The following BICC1 variants were observed in gnomAD, a reference collection of about 807,000 sequenced individuals.
The protein encoded by BICC1 is protein bicaudal C homolog 1.
BICC1 carries 43 observed loss-of-function variants against 111.0 expected under a neutral mutation model. That is an observed-to-expected ratio of 0.39 (90% CI 0.30 to 0.50). The LOEUF (loss-of-function observed/expected upper bound fraction) is 0.50. BICC1 is among the 20% of genes least tolerant of loss of function. The probability of loss-of-function intolerance (pLI) is 0.88; values close to 1 mark genes in which losing one functional copy is unlikely to be tolerated. For missense variants in BICC1, 1,091 were observed against 1,203.2 expected (o/e 0.91, Z 1.38); for synonymous variants, 467 against 434.4 (o/e 1.07, Z -0.93).
At chr10:58,628,549 T>G (rs749390763) in intron 2 of BICC1, among the ~76,000 whole-genome samples, 4 of 152,196 alleles carry the variant, frequency 2.6e-5, no homozygotes, top group Non-Finnish European at 5.9e-5. Flanking sequence ...AGATACTTAG[T>G]TTCTTATTTA....
chr10:58,616,669 A>G (rs1159449990), intron 1 of BICC1, among the ~76,000 whole-genome samples: 2 of 152,200 alleles, frequency 1.3e-5, no homozygotes, highest in African/African-American at 2.4e-5. Flanking sequence ...GATATTTCAC[A>G]TGGCTTGGCA....
intron 1 of BICC1, among the ~76,000 whole-genome samples, chr10:58,596,287 C>T (rs1844811060): frequency 6.6e-6 from 1 of 152,186 alleles, no homozygotes; most frequent in Non-Finnish European, 1.5e-5. Context: ...TAATCCATCA[C>T]ATAAGCAAAA....
intron 1 of BICC1, among the ~76,000 whole-genome samples, chr10:58,514,547 G>A (rs1842189349): frequency 6.6e-6 from 1 of 152,164 alleles, no homozygotes; most frequent in Non-Finnish European, 1.5e-5. Flanking sequence ...CAATAACTTG[G>A]TGGAAACAAA....
chr10:58,762,365 A>G (rs1239383313), intron 3 of BICC1, among the ~76,000 whole-genome samples: 1 of 152,192 alleles, frequency 6.6e-6, no homozygotes, highest in Non-Finnish European at 1.5e-5. Context: ...GAAATATTGG[A>G]GAGTGTAGGT....
At chr10:58,750,407 A>G (rs1015921189) in intron 3 of BICC1, among the ~76,000 whole-genome samples, 5 of 152,086 alleles carry the variant, frequency 3.3e-5, no homozygotes, top group Non-Finnish European at 7.4e-5. Context: ...ACTAAGGAAG[A>G]AAAAAAATGC....
chr10:58,565,637 T>A (rs1490346581), intron 1 of BICC1, among the ~76,000 whole-genome samples: 1 of 152,168 alleles, frequency 6.6e-6, no homozygotes, highest in Non-Finnish European at 1.5e-5. Flanking sequence ...TCATATTAAT[T>A]AGATCTCTCT....
intron 1 of BICC1, among the ~76,000 whole-genome samples, chr10:58,541,317 C>T (rs1237730950): frequency 6.6e-6 from 1 of 152,060 alleles, no homozygotes; most frequent in Non-Finnish European, 1.5e-5. Flanking sequence ...TCCACACACA[C>T]ACATAAAACT....
intron 10 of BICC1, among the ~76,000 whole-genome samples, chr10:58,797,639 C>T (rs137907555): frequency 1.3e-5 from 2 of 152,258 alleles, no homozygotes; most frequent in East Asian, 3.9e-4. Context: ...CAAAGATTCA[C>T]TAACTGAATT....
At chr10:58,757,792 T>C (rs942156461) in intron 3 of BICC1, among the ~76,000 whole-genome samples, 25 of 152,352 alleles carry the variant, frequency 1.6e-4, no homozygotes, top group African/African-American at 5.8e-4. Context: ...TAAATATCAA[T>C]GCAGTCTGTC....
chr10:58,660,933 A>T (rs1191663890), intron 2 of BICC1, among the ~76,000 whole-genome samples: 5 of 152,240 alleles, frequency 3.3e-5, no homozygotes, highest in African/African-American at 1.2e-4. Context: ...AGATTTAAGA[A>T]AAGTATATTT....
chr10:58,798,464 C>T lies in BICC1; in HGVS notation c.1432C>T (p.Leu478Phe), dbSNP rs759673436. The T allele has an allele frequency of 6.2e-7, 1 of 1,613,438 alleles. No homozygotes were observed. Among genetic ancestry groups the T allele is most frequent in the Non-Finnish European group, 8.5e-7 (1 of 1,179,660 alleles). ...STTPNSLLNA[L>F]NSSVSPLQSP... The stretch of plus-strand genomic sequence containing the variant: ...AACCCCAAACTCACTCTTGAATGCT[C>T]TTAATAGCTCAGTCAGTCCTTTGCA... Residue 478 changes from leucine to phenylalanine, a missense_variant, in exon 11 of 21, where the codon CTT becomes TTT. Coordinates refer to ENST00000373886, the MANE Select transcript of BICC1 (RefSeq NM_001080512.3).
At chr10:58,721,578 C>T (rs1840941700) in intron 3 of BICC1, among the ~76,000 whole-genome samples, 1 of 152,152 alleles carries the variant, frequency 6.6e-6, no homozygotes, top group Non-Finnish European at 1.5e-5. Flanking sequence ...TCCAAACCAT[C>T]TGCAAAAGTA....
At chr10:58,796,171 A>G (rs1051468543) in intron 9 of BICC1, among the ~76,000 whole-genome samples, 169 bp from the exon 10 acceptor site, 8 of 152,208 alleles carry the variant, frequency 5.3e-5, no homozygotes, top group African/African-American at 1.4e-4. Flanking sequence ...CAGAAGGAGT[A>G]ATCTTAAGCA....
At position 58,823,829 on chromosome 10, in the gene BICC1, C is replaced by T. The variant is rs1844319922; in HGVS notation, c.2794+3361C>T. 4 of 985,252 alleles carry T rather than the reference C, an allele frequency of 4.1e-6. No individual in the cohort carries two copies. The African/African-American group carries it at 5.2e-5, about 13-fold the overall frequency. The allele number at this position is 985,252 out of a possible 1,614,324, so 61.0% of individuals were successfully genotyped here. ...GGGGATTCATTTATTCTTAACGCTTCTATAAGTTTGCCTTTAAATATATTC... is the reference window on the plus strand; with the variant it reads ...GGGGATTCATTTATTCTTAACGCTTTTATAAGTTTGCCTTTAAATATATTC... On this transcript the variant is annotated intron_variant, in intron 20 of 20. Transcript: ENST00000373886.
intron 3 of BICC1, among the ~76,000 whole-genome samples, chr10:58,707,200 G>A (rs1221329007): frequency 1.3e-5 from 2 of 152,184 alleles, no homozygotes; most frequent in East Asian, 3.9e-4. Context: ...AGAACAAGTA[G>A]GTATCTAATA....
chr10:58,658,197 CT>C (rs1021449616), intron 2 of BICC1, among the ~76,000 whole-genome samples: 4 of 151,892 alleles, frequency 2.6e-5, no homozygotes, highest in Admixed American at 6.6e-5. Flanking sequence ...CAGCTCTCTG[CT>C]TTTTTTTGAG....
intron 1 of BICC1, among the ~76,000 whole-genome samples, chr10:58,548,923 G>A (rs1429893016): frequency 6.6e-6 from 1 of 152,024 alleles, no homozygotes; most frequent in Non-Finnish European, 1.5e-5. Flanking sequence ...GCAGTGGTGC[G>A]ATCATGGCTC....
At chr10:58,520,502 T>C (rs922378732) in intron 1 of BICC1, among the ~76,000 whole-genome samples, 2 of 152,166 alleles carry the variant, frequency 1.3e-5, no homozygotes, top group African/African-American at 4.8e-5. Context: ...TGAAAATGTT[T>C]GTATTTGTAA....
chr10:58,745,654 T>A (rs1050805024), intron 3 of BICC1, among the ~76,000 whole-genome samples: 2 of 124,592 alleles, frequency 1.6e-5, no homozygotes, highest in East Asian at 5.5e-4. Context: ...TTTCAAAGCC[T>A]TTTCTTCTGT....
Sources: gnomAD v4.1 joint callset for allele counts (sites outside exome capture counted in the v4.1 genomes callset) on GRCh38, gnomAD v4.1.1 for gene constraint, MANE v1.5 for transcripts, NCBI Gene and HGNC (gene_info 2026-07-23, HGNC 2026-07-21) for gene names.